Variants in CACNA1D observed in about 807,000 individuals in gnomAD.
CACNA1D encodes voltage-dependent L-type calcium channel subunit alpha-1D.
In CACNA1D, 55 loss-of-function variants were observed where a neutral mutation model predicts 257.1. The observed-to-expected ratio is 0.21, with a 90% confidence interval of 0.17 to 0.27. The LOEUF (loss-of-function observed/expected upper bound fraction) is 0.27. Ranked by LOEUF, CACNA1D falls within the 10% of genes least tolerant of loss-of-function variation. The pLI is 1.00. For synonymous variants in CACNA1D, 980 were observed against 1,014.9 expected (o/e 0.97, Z 0.65); for missense variants, 1,876 against 2,784.0 (o/e 0.67, Z 7.34).
intron 3 of CACNA1D, among the ~76,000 whole-genome samples, chr3:53,617,244 C>T (rs964359098): frequency 1.3e-5 from 2 of 152,142 alleles, no homozygotes; most frequent in Non-Finnish European, 2.9e-5. Context: ...TGTGTGCTCT[C>T]CTCTCCACTG....
intron 11 of CACNA1D, among the ~76,000 whole-genome samples, chr3:53,720,648 A>C (rs572504587): frequency 1.3e-5 from 2 of 152,354 alleles, no homozygotes; most frequent in African/African-American, 4.8e-5. Context: ...TAAGCACATG[A>C]AATGACCATC....
At chr3:53,599,988 G>A (rs1450602096) in intron 3 of CACNA1D, among the ~76,000 whole-genome samples, 1 of 152,134 alleles carries the variant, frequency 6.6e-6, no homozygotes, top group Non-Finnish European at 1.5e-5. Flanking sequence ...TAGTTGCTTT[G>A]GAATTACCCA....
intron 3 of CACNA1D, among the ~76,000 whole-genome samples, chr3:53,549,909 A>G (rs535827908): frequency 1.3e-5 from 2 of 152,288 alleles, no homozygotes; most frequent in East Asian, 3.9e-4. Context: ...AGTGTAGGGG[A>G]AAGATCTTTT....
chr3:53,730,968 T>C lies in CACNA1D; in HGVS notation c.2337-109T>C, dbSNP rs1324724167. The C allele has an allele frequency of 4.0e-6, 3 of 740,890 alleles. No homozygotes were observed. In the African/African-American group the frequency reaches 5.3e-5, roughly 13 times the overall value. 45.9% of individuals were successfully genotyped at this position (740,890 alleles called of 1,614,324 possible). A position where few individuals can be genotyped will look rare whatever the true frequency, so the allele number is the denominator to read the frequency against. ...CTCTTGTGGTTAGTGTTGTTTCTAA[T>C]TAAATTCTGTCCTTCATTGGAGCAT... On this transcript the variant is annotated intron_variant, in intron 16 of 47. Transcript: ENST00000350061.
At position 53,524,120 on chromosome 3, in the gene CACNA1D, A is replaced by G. The variant is rs966416915; in HGVS notation, c.483+22400A>G. Among the ~76,000 whole-genome samples, 3 of 152,190 alleles carry G rather than the reference A, an allele frequency of 2.0e-5. No individual in the cohort carries two copies. The East Asian group carries it at 5.8e-4, about 29-fold the overall frequency. On this transcript the variant is annotated intron_variant, in intron 3 of 47. Transcript: ENST00000350061. ...AGGAAATGGAATAATTCTTCTGTCC[A>G]TGGTGAGGGGAGGATGGGGGGAAGG... is the stretch of plus-strand genomic sequence containing the variant.
Position 53,646,920 on chromosome 3 carries a change from C to G in CACNA1D, c.484-3859C>G, listed in dbSNP as rs79893572. Reference sequence around the variant, plus strand: ...GTCTAATGAAGGATTTTGGCATCTCCCACCTCCTGCTAGTTGACAGTTTCT... The same window carrying G: ...GTCTAATGAAGGATTTTGGCATCTCGCACCTCCTGCTAGTTGACAGTTTCT... On this transcript the variant is annotated intron_variant, in intron 3 of 47. Coordinates refer to ENST00000350061, the MANE Select transcript of CACNA1D (RefSeq NM_001128840.3). Among the ~76,000 whole-genome samples, 1,338 of 152,238 alleles carry G rather than the reference C, an allele frequency of 8.8e-3. 21 individuals are homozygous for G. Among genetic ancestry groups the G allele is most frequent in the African/African-American group, 0.031 (1,277 of 41,542 alleles).
chr3:53,613,133 G>T (rs77600623), intron 3 of CACNA1D, among the ~76,000 whole-genome samples: 4 of 152,200 alleles, frequency 2.6e-5, no homozygotes, highest in Admixed American at 2.0e-4. Flanking sequence ...CTGCTGAGTT[G>T]CTCTGATTAA....
In CACNA1D at chr3:53,497,230, C is replaced by T. The variant is rs746130121; in HGVS notation, c.146C>T (p.Thr49Ile). The T allele has an allele frequency of 4.3e-6, 7 of 1,614,216 alleles. No homozygotes were observed. The South Asian group carries it at 7.7e-5, about 18-fold the overall frequency. Residue 49 changes from threonine to isoleucine, a missense_variant, in exon 2 of 48, where the codon ACT becomes ATT. Physicochemically the swap from Thr to Ile is moderately conservative, Grantham distance 89 (BLOSUM62 -1). Around this residue, in one of 10 missense-constraint regions of CACNA1D, gnomAD observed 143 missense variants for 168.7 expected, o/e 0.85. Coordinates refer to ENST00000350061, the MANE Select transcript of CACNA1D (RefSeq NM_001128840.3). ...PTSQPNSSKQ[T>I]VLSWQAAIDA... ...TCTCAGCCGAATAGCTCCAAGCAAA[C>T]TGTCCTGTCTTGGCAAGCTGCAATC...
chr3:53,627,469 G>A (rs572819254), intron 3 of CACNA1D, among the ~76,000 whole-genome samples: 1 of 152,166 alleles, frequency 6.6e-6, no homozygotes, highest in African/African-American at 2.4e-5. Flanking sequence ...TTGCAAACGT[G>A]ATTGTCTTGA....
At chr3:53,810,758 CAAAA>C (rs71074934) in intron 47 of CACNA1D, among the ~76,000 whole-genome samples, 4 of 68,290 alleles carry the variant, frequency 5.9e-5, no homozygotes, top group African/African-American at 2.5e-4. Flanking sequence ...ACTCTTGTCT[CAAAA>C]AAAAAAAAAA....
intron 3 of CACNA1D, among the ~76,000 whole-genome samples, chr3:53,563,385 G>A (rs1219979693): frequency 6.6e-6 from 1 of 152,036 alleles, no homozygotes. Flanking sequence ...GTAACCAGGC[G>A]TGGTCGTGGG....
At chr3:53,664,458 A>G (rs1318507200) in intron 5 of CACNA1D, among the ~76,000 whole-genome samples, 1 of 152,108 alleles carries the variant, frequency 6.6e-6, no homozygotes. Flanking sequence ...TTTGCTAGTG[A>G]TCTAAAGTTT....
intron 7 of CACNA1D, among the ~76,000 whole-genome samples, chr3:53,669,785 CTGT>C (rs1266405096): frequency 2.0e-5 from 3 of 152,146 alleles, no homozygotes; most frequent in Admixed American, 6.5e-5. Context: ...TATAATTGAG[CTGT>C]TGTTTGACTC....
intron 37 of CACNA1D, among the ~76,000 whole-genome samples, chr3:53,777,322 C>T (rs2095403340): frequency 6.6e-6 from 1 of 152,074 alleles, no homozygotes; most frequent in South Asian, 2.1e-4. Context: ...TTGGCTAGGA[C>T]ATAAGAGGAA....
chr3:53,634,816 T>A (rs2108146458), intron 3 of CACNA1D, among the ~76,000 whole-genome samples: 1 of 152,226 alleles, frequency 6.6e-6, no homozygotes, highest in East Asian at 1.9e-4. Context: ...GCTTGGAGAC[T>A]TTCAGTGCCT....
rs1365220490 is a variant in CACNA1D, at chr3:53,789,136, C to A, written c.4923+2184C>A. On this transcript the variant is annotated intron_variant, in intron 40 of 47. Transcript: ENST00000350061. This position sits in a 1 kb window ranked among gnomAD's most constrained non-coding sequence, Gnocchi z 4.2. ...AATAATGTTGAGGGTTTCTCCTAAA[C>A]GTTTTTCATTTTATTGTTTATAGAG... is the stretch of plus-strand genomic sequence containing the variant. Among the ~76,000 whole-genome samples, 2 of 152,108 alleles carry A rather than the reference C, an allele frequency of 1.3e-5. No individual in the cohort carries two copies. Among genetic ancestry groups the A allele is most frequent in the Admixed American group, 6.5e-5 (1 of 15,268 alleles).
intron 14 of CACNA1D, among the ~76,000 whole-genome samples, chr3:53,724,580 G>C (rs1415970577): frequency 6.6e-6 from 1 of 152,160 alleles, no homozygotes; most frequent in Non-Finnish European, 1.5e-5. Context: ...GTTGCAGAGA[G>C]GCACCGATGG....
At chr3:53,755,930 T>C (rs924530842) in intron 29 of CACNA1D, among the ~76,000 whole-genome samples, 2 of 152,150 alleles carry the variant, frequency 1.3e-5, no homozygotes, top group African/African-American at 4.8e-5. Flanking sequence ...AACAAGGTTG[T>C]CAAGGCTGCA....
chr3:53,601,805 G>A (rs1020978349), intron 3 of CACNA1D, among the ~76,000 whole-genome samples: 1 of 152,120 alleles, frequency 6.6e-6, no homozygotes, highest in African/African-American at 2.4e-5. Flanking sequence ...CCACCTCCTG[G>A]GTCCAAGCGA....
Sources: gnomAD v4.1 joint callset for allele counts (sites outside exome capture counted in the v4.1 genomes callset) on GRCh38, gnomAD v4.1.1 for gene constraint, gnomAD v4.1.1 regional missense constraint, Gnocchi (gnomAD v3.1) non-coding constraint, MANE v1.5 for transcripts, NCBI Gene and HGNC (gene_info 2026-07-23, HGNC 2026-07-21) for gene names.